The following CWH43 variants were observed in gnomAD, a reference collection of about 807,000 sequenced individuals.
The protein encoded by CWH43 is PGAP2-interacting protein.
In CWH43, 91 loss-of-function variants were observed where a neutral mutation model predicts 85.7. That is an observed-to-expected ratio of 1.06 (90% confidence interval 0.90 to 1.26). CWH43 has a LOEUF of 1.26. CWH43 is among the 50% of genes most tolerant of loss of function. The probability of loss-of-function intolerance (pLI) is 0.00; values close to 1 mark genes in which losing one functional copy is unlikely to be tolerated. For missense variants in CWH43, 869 were observed against 839.2 expected (o/e 1.04, Z -0.44); for synonymous variants, 323 against 293.6 (o/e 1.10, Z -1.02).
intron 15 of CWH43, among the ~76,000 whole-genome samples, chr4:49,060,519 T>C (rs191608490): frequency 7.2e-5 from 11 of 152,238 alleles, no homozygotes; most frequent in Admixed American, 4.6e-4. Flanking sequence ...GGCCTGGACC[T>C]GGTGCTGGAG....
intron 13 of CWH43, among the ~76,000 whole-genome samples, 156 bp downstream of exon 13, chr4:49,038,336 G>C (rs574156330): frequency 1.3e-5 from 2 of 152,288 alleles, no homozygotes; most frequent in African/African-American, 2.4e-5. Context: ...TAAAACAACA[G>C]CAATCATCTA....
At position 49,038,036 on chromosome 4, in the gene CWH43, A is replaced by T. The variant is rs371357170; in HGVS notation, c.1659A>T (p.Glu553Asp). Residue 553 changes from glutamate (E) to aspartate (D), a missense_variant and splice_region_variant, in exon 13 of 16, where the codon GAA (glutamate) becomes GAT (aspartate). By Grantham distance (45) the Glu-to-Asp change is conservative. Coordinates refer to ENST00000226432, the MANE Select transcript of CWH43 (RefSeq NM_025087.3). ...DFVVTHFGNH[E>D]DDLDRKLQAI... ...AGGGTCATATTTTTACATTTTTTAGAGATGACCTCGACAGGAAACTGCAGG... is the reference window on the plus strand; with the variant it reads ...AGGGTCATATTTTTACATTTTTTAGTGATGACCTCGACAGGAAACTGCAGG... 1 of 1,594,200 alleles carries T rather than the reference A, an allele frequency of 6.3e-7. No individual in the cohort carries two copies. Among genetic ancestry groups the T allele is most frequent in the Non-Finnish European group, 8.5e-7 (1 of 1,174,072 alleles).
chr4:48,994,854 G>T, intron 5 of CWH43, 34 bp downstream of exon 5: 1 of 1,584,188 alleles, frequency 6.3e-7, no homozygotes, highest in South Asian at 1.1e-5. Flanking sequence ...CACAAAATCG[G>T]CAGTTATGCC....
chr4:49,012,840 C>T (rs1783409114), intron 8 of CWH43, among the ~76,000 whole-genome samples: 1 of 152,144 alleles, frequency 6.6e-6, no homozygotes, highest in African/African-American at 2.4e-5. Context: ...GTAAATATTG[C>T]TGCCTGATCC....
intron 15 of CWH43, among the ~76,000 whole-genome samples, chr4:49,059,762 C>T (rs1193837873): frequency 6.6e-6 from 1 of 151,702 alleles, no homozygotes; most frequent in Non-Finnish European, 1.5e-5. Context: ...GTGCTGGGGT[C>T]CATTGGGATG....
chr4:49,017,878 C>T (rs562028810), intron 9 of CWH43, among the ~76,000 whole-genome samples: 59 of 151,888 alleles, frequency 3.9e-4, no homozygotes, highest in Non-Finnish European at 5.9e-4. Context: ...CTCTGCCGCC[C>T]GGCTGGAGTG....
intron 8 of CWH43, among the ~76,000 whole-genome samples, chr4:49,013,454 A>T (rs1783434270): frequency 6.6e-6 from 1 of 152,218 alleles, no homozygotes; most frequent in Non-Finnish European, 1.5e-5. Context: ...TTCCCGGGTG[A>T]GGTGATGCCA....
rs1465525884 is a variant in CWH43, at chr4:49,032,697, C to T, written c.1640C>T (p.Thr547Ile). ...GGCAAGCTGGTGGATTTTGTCGTGA[C>T]ACACTTTGGGAACCACGAGTGGGTT... Reference protein sequence around the residue: ...ISGKLVDFVVTHFGNHEDDLD... With the variant: ...ISGKLVDFVVIHFGNHEDDLD... Residue 547 changes from threonine (T) to isoleucine (I), a missense_variant, in exon 12 of 16, where the codon ACA becomes ATA. This residue lies in a region of CWH43 where 577 missense variants were observed against 513.1 expected (regional missense o/e 1.12). Coordinates refer to ENST00000226432, the MANE Select transcript of CWH43 (RefSeq NM_025087.3). 2.5e-6 allele frequency: 4 copies of T among 1,614,084 alleles called. No homozygotes were observed. The South Asian group carries it at 4.4e-5, about 18-fold the overall frequency.
intron 15 of CWH43, among the ~76,000 whole-genome samples, chr4:49,061,126 T>C (rs1433357788): frequency 1.3e-5 from 2 of 152,202 alleles, no homozygotes; most frequent in African/African-American, 4.8e-5. Flanking sequence ...GGAATTCTTA[T>C]CTGTTTGAGC....
intron 9 of CWH43, among the ~76,000 whole-genome samples, chr4:49,023,510 G>T (rs1783812777): frequency 6.6e-6 from 1 of 152,126 alleles, no homozygotes; most frequent in African/African-American, 2.4e-5. Context: ...AAGTAGCTGG[G>T]ATTACAGGCA....
At chr4:49,002,986 T>C (rs1783041503) in intron 6 of CWH43, among the ~76,000 whole-genome samples, 1 of 152,184 alleles carries the variant, frequency 6.6e-6, no homozygotes, top group Admixed American at 6.6e-5. Context: ...ATATTTTCTA[T>C]GGAAAGGGGT....
chr4:49,061,046 C>G (rs1488604036), intron 15 of CWH43, among the ~76,000 whole-genome samples: 1 of 152,120 alleles, frequency 6.6e-6, no homozygotes, highest in African/African-American at 2.4e-5. Context: ...TATGGATGCA[C>G]CAACATTTAG....
In CWH43 at chr4:49,044,835, G is replaced by A. The variant is rs750492411; in HGVS notation, c.1853G>A (p.Arg618Gln). 1.3e-5 allele frequency: 21 copies of A among 1,612,642 alleles called. No homozygotes were observed. Among genetic ancestry groups the A allele is most frequent in the South Asian group, 3.3e-5 (3 of 91,000 alleles). Residue 618 changes from arginine to glutamine, a missense_variant, in exon 14 of 16, where the codon CGA becomes CAA. By Grantham distance (43) the Arg-to-Gln change is conservative. Around this residue, in one of 3 missense-constraint regions of CWH43, gnomAD observed 577 missense variants for 513.1 expected, o/e 1.12. Transcript: ENST00000226432. ...AGATGGTGTGAATACATTATGTATC[G>A]AGGGCTGATCAGGTGAGCACAGGGG... ...HDRWCEYIMY[R>Q]GLIRLGYARI...
At chr4:48,993,928 T>C (rs1782732605) in intron 4 of CWH43, among the ~76,000 whole-genome samples, 1 of 151,964 alleles carries the variant, frequency 6.6e-6, no homozygotes, top group African/African-American at 2.4e-5. Flanking sequence ...CTAACTTTTT[T>C]TTTTTGTATT....
At chr4:49,023,689 T>G (rs1050577448) in intron 9 of CWH43, among the ~76,000 whole-genome samples, 1 of 152,238 alleles carries the variant, frequency 6.6e-6, no homozygotes, top group African/African-American at 2.4e-5. Context: ...TTTCTAATTT[T>G]ATTCCATTGT....
intron 14 of CWH43, among the ~76,000 whole-genome samples, chr4:49,045,522 A>C (rs1388160916): frequency 6.6e-6 from 1 of 152,170 alleles, no homozygotes; most frequent in Non-Finnish European, 1.5e-5. Flanking sequence ...GTTTAGATAC[A>C]CAAATACTTA....
At chr4:49,016,442 C>T (rs1448807723) in intron 8 of CWH43, among the ~76,000 whole-genome samples, 2 of 152,058 alleles carry the variant, frequency 1.3e-5, no homozygotes, top group Non-Finnish European at 2.9e-5. Context: ...TTCACTGGGG[C>T]CTAGGGGACC....
chr4:49,058,670 C>A (rs1785043934), intron 15 of CWH43, among the ~76,000 whole-genome samples: 1 of 152,192 alleles, frequency 6.6e-6, no homozygotes, highest in South Asian at 2.1e-4. Context: ...TGAACTCCTG[C>A]AGCTTTTGTC....
chr4:48,997,301 C>T (rs929518955), intron 5 of CWH43, among the ~76,000 whole-genome samples: 2 of 151,790 alleles, frequency 1.3e-5, no homozygotes, highest in Non-Finnish European at 2.9e-5. Context: ...TCAAACAATC[C>T]TCCCACCTCT....
Sources: allele counts gnomAD v4.1 joint callset (sites outside exome capture counted in the v4.1 genomes callset), GRCh38; gene constraint gnomAD v4.1.1; regional missense constraint gnomAD v4.1.1; transcripts MANE v1.5; gene names NCBI Gene and HGNC (gene_info 2026-07-23, HGNC 2026-07-21).